The following ADAM22 variants were observed in gnomAD, a reference collection of about 807,000 sequenced individuals.
The protein encoded by ADAM22 is ADAM metallopeptidase domain 22.
In ADAM22, 65 loss-of-function variants were observed where a neutral mutation model predicts 144.6. The observed-to-expected ratio is 0.45, with a 90% CI of 0.37 to 0.55. The LOEUF (loss-of-function observed/expected upper bound fraction) is 0.55, where lower values mean the gene tolerates loss of function less well. Ranked by LOEUF, ADAM22 falls within the 20% of genes least tolerant of loss-of-function variation. The pLI is 0.00. For synonymous variants in ADAM22, 391 were observed against 412.6 expected (o/e 0.95, Z 0.63); for missense variants, 974 against 1,184.9 (o/e 0.82, Z 2.61).
At chr7:87,950,195 A>G (rs1382310180) in intron 2 of ADAM22, among the ~76,000 whole-genome samples, 1 of 151,922 alleles carries the variant, frequency 6.6e-6, no homozygotes, top group Non-Finnish European at 1.5e-5. Flanking sequence ...TGTGCAGGTT[A>G]GTTACATATG....
intron 2 of ADAM22, among the ~76,000 whole-genome samples, chr7:87,972,321 C>T (rs1850662287): frequency 6.6e-6 from 1 of 150,930 alleles, no homozygotes; most frequent in Non-Finnish European, 1.5e-5. Context: ...CATGAGTGAA[C>T]TCCCATTCAC....
intron 3 of ADAM22, among the ~76,000 whole-genome samples, chr7:88,068,147 A>G (rs1317712641): frequency 1.3e-5 from 2 of 152,294 alleles, no homozygotes; most frequent in East Asian, 3.9e-4. Flanking sequence ...TAGTATATCA[A>G]AAGGATCTGG....
At chr7:88,098,488 T>A (rs778373798) in intron 4 of ADAM22, among the ~76,000 whole-genome samples, 6 of 152,128 alleles carry the variant, frequency 3.9e-5, no homozygotes, top group Non-Finnish European at 5.9e-5. Context: ...AGAAACAGAA[T>A]CTTTTCAGTT....
At chr7:88,082,028 C>A (rs78434302) in intron 4 of ADAM22, among the ~76,000 whole-genome samples, 83,883 of 151,366 alleles carry the variant, frequency 0.55, 24,265 homozygotes, top group East Asian at 0.87. Context: ...CACATTGCCA[C>A]GTGAATCCTA....
chr7:88,053,616 GAAAGAAAGAAAGAAAGAA>G (rs1342895034), intron 3 of ADAM22, among the ~76,000 whole-genome samples: 119 of 113,536 alleles, frequency 1.0e-3, no homozygotes, highest in African/African-American at 2.9e-3. Flanking sequence ...AAGAAAGAAA[GAAAGAAAGAAAGAAAGAA>G]AGAAAGAAAG....
At chr7:88,151,374 C>T (rs1354668423) in intron 20 of ADAM22, 54 bp downstream of exon 20, 2 of 1,599,960 alleles carry the variant, frequency 1.3e-6, no homozygotes, top group Non-Finnish European at 1.7e-6. Flanking sequence ...AGGCGGACTT[C>T]TCAAGGACGT....
At chr7:88,061,298 G>A (rs1328898142) in intron 3 of ADAM22, among the ~76,000 whole-genome samples, 1 of 152,114 alleles carries the variant, frequency 6.6e-6, no homozygotes, top group Admixed American at 6.5e-5. Flanking sequence ...TATTTGTGTT[G>A]ATATTTTGAC....
At chr7:88,007,148 A>G (rs1430758627) in intron 3 of ADAM22, among the ~76,000 whole-genome samples, 4 of 152,172 alleles carry the variant, frequency 2.6e-5, no homozygotes, top group East Asian at 1.9e-4. Flanking sequence ...CCCATTTACA[A>G]TTGCTTCAAA....
intron 3 of ADAM22, among the ~76,000 whole-genome samples, chr7:88,072,749 T>C (rs920643547): frequency 6.6e-6 from 1 of 152,240 alleles, no homozygotes; most frequent in African/African-American, 2.4e-5. Context: ...TGGCTGGCTC[T>C]GCTGATAAAC....
chr7:88,200,990 G>A lies in ADAM22; in HGVS notation c.*4499G>A, dbSNP rs980971710. On this transcript the variant is annotated 3_prime_UTR_variant, in exon 32 of 32. Coordinates refer to ENST00000413139, the MANE Select transcript of ADAM22 (RefSeq NM_001324418.2). ...CCGCTGTTAAAAGTACACCTGCTGG[G>A]AATTGTTGGCACATGCTCATAGCAT... 1 of 152,248 alleles carries A rather than the reference G, an allele frequency of 6.6e-6. No homozygotes were observed. The highest frequency in any genetic ancestry group is 1.5e-5 in the Non-Finnish European group (1 of 68,048). The allele number at this position is 152,248 out of a possible 1,614,324, so 9.4% of individuals were successfully genotyped here. A position where few individuals can be genotyped will look rare whatever the true frequency, so the allele number is the denominator to read the frequency against.
intron 4 of ADAM22, among the ~76,000 whole-genome samples, chr7:88,102,580 ACCTCC>A: frequency 6.6e-6 from 1 of 151,294 alleles, no homozygotes; most frequent in South Asian, 2.1e-4. Context: ...AAGGTTGAGA[ACCTCC>A]CCTCTAGGGT....
chr7:88,074,241 A>G (rs1030214164), intron 3 of ADAM22, among the ~76,000 whole-genome samples: 1 of 152,204 alleles, frequency 6.6e-6, no homozygotes, highest in African/African-American at 2.4e-5. Context: ...CCTCTTATAT[A>G]TTTAATATAT....
intron 3 of ADAM22, among the ~76,000 whole-genome samples, chr7:88,008,138 C>G (rs1794436171): frequency 6.6e-6 from 1 of 151,854 alleles, no homozygotes. Context: ...AGCCAAAAAA[C>G]ACATGAAAAA....
intron 5 of ADAM22, among the ~76,000 whole-genome samples, 161 bp downstream of exon 5, chr7:88,108,419 G>A (rs1177541347): frequency 2.6e-5 from 4 of 151,472 alleles, no homozygotes; most frequent in Non-Finnish European, 4.4e-5. Context: ...TATAAACCAA[G>A]CAGATTTTTA....
intron 2 of ADAM22, chr7:87,964,590 T>C: frequency 2.5e-6 from 1 of 407,704 alleles, no homozygotes; most frequent in South Asian, 1.9e-5. Flanking sequence ...AGGTTTTTTA[T>C]TAGAACGTGT....
intron 30 of ADAM22, among the ~76,000 whole-genome samples, chr7:88,190,765 T>C (rs1339155677): frequency 6.6e-6 from 1 of 152,122 alleles, no homozygotes; most frequent in Non-Finnish European, 1.5e-5. Flanking sequence ...TTCCCTAAAG[T>C]GTTTTACCGT....
intron 4 of ADAM22, among the ~76,000 whole-genome samples, chr7:88,103,897 T>C (rs1823646792): frequency 6.6e-6 from 1 of 152,180 alleles, no homozygotes; most frequent in African/African-American, 2.4e-5. Flanking sequence ...ATGCAGTTTA[T>C]GATTTTCAAA....
At chr7:88,171,518 C>G in intron 25 of ADAM22, 26 bp from the exon 26 acceptor site, 1 of 1,582,496 alleles carries the variant, frequency 6.3e-7, no homozygotes, top group Non-Finnish European at 8.6e-7. Flanking sequence ...ATGTTTTTCC[C>G]TCTTTCTCTT....
intron 11 of ADAM22, 69 bp downstream of exon 11, chr7:88,131,504 T>A: frequency 6.6e-7 from 1 of 1,505,730 alleles, no homozygotes; most frequent in Non-Finnish European, 9.2e-7. Flanking sequence ...GTGACTGAAA[T>A]GTATCCTTTC....
Sources: allele counts gnomAD v4.1 joint callset (sites outside exome capture counted in the v4.1 genomes callset), GRCh38; gene constraint gnomAD v4.1.1; transcripts MANE v1.5; gene names NCBI Gene and HGNC (gene_info 2026-07-23, HGNC 2026-07-21).